Variants in C12orf42 observed in about 807,000 individuals in gnomAD.
The protein encoded by C12orf42 is chromosome 12 open reading frame 42.
A neutral mutation model predicts 21.6 loss-of-function variants in C12orf42; 25 were observed. The observed-to-expected ratio is 1.16, with a 90% CI of 0.84 to 1.62. The LOEUF is 1.62. Among genes scored for constraint, C12orf42 ranks in the 40% most tolerant of loss-of-function variants. C12orf42 has a pLI of 0.00. For synonymous variants in C12orf42, 174 were observed against 175.0 expected (o/e 0.99, Z 0.05); for missense variants, 483 against 459.3 (o/e 1.05, Z -0.47).
At chr12:103,116,084 G>A in the C12orf42 span, among the ~76,000 whole-genome samples, 4 of 152,086 alleles carry the variant, frequency 2.6e-5, no homozygotes, top group Admixed American at 2.0e-4. Flanking sequence ...ATTTGGGGCC[G>A]GGCGCAGTGG....
the C12orf42 span, among the ~76,000 whole-genome samples, chr12:103,530,495 G>T: frequency 1.3e-5 from 2 of 152,216 alleles, no homozygotes; most frequent in East Asian, 3.8e-4. Flanking sequence ...AAAGCCCCAT[G>T]TGTTGCCCCA....
chr12:103,432,753 A>G (rs1950357731), intron 2 of C12orf42, among the ~76,000 whole-genome samples: 1 of 152,140 alleles, frequency 6.6e-6, no homozygotes, highest in Admixed American at 6.5e-5. Flanking sequence ...GCATCCTCGT[A>G]TGAAGAAGTT....
chr12:103,395,114 T>C (rs2047407037), intron 3 of C12orf42, among the ~76,000 whole-genome samples: 1 of 152,232 alleles, frequency 6.6e-6, no homozygotes, highest in South Asian at 2.1e-4. Flanking sequence ...TCATGGATCT[T>C]ACGTTCTATC....
chr12:103,310,105 G>T (rs1198014141), intron 4 of C12orf42, among the ~76,000 whole-genome samples: 1 of 152,206 alleles, frequency 6.6e-6, no homozygotes, highest in Non-Finnish European at 1.5e-5. Context: ...GTTGGAGGTG[G>T]GCCCTGGTGG....
At chr12:103,270,218 G>C (rs986008914) in intron 5 of C12orf42, 2 of 152,104 alleles carry the variant, frequency 1.3e-5, no homozygotes, top group African/African-American at 4.8e-5. Flanking sequence ...AAGGAGGGGG[G>C]TAAGGCTGTG....
intron 4 of C12orf42, among the ~76,000 whole-genome samples, chr12:103,309,990 C>A (rs1050791203): frequency 6.6e-6 from 1 of 152,178 alleles, no homozygotes; most frequent in African/African-American, 2.4e-5. Context: ...ACCTTCAGAT[C>A]CTATCTTTTA....
the C12orf42 span, among the ~76,000 whole-genome samples, chr12:103,095,903 C>T: frequency 6.6e-6 from 1 of 152,168 alleles, no homozygotes; most frequent in Non-Finnish European, 1.5e-5. Context: ...GAAAATTACA[C>T]ATTTGACCAT....
the C12orf42 span, among the ~76,000 whole-genome samples, chr12:103,108,946 A>G: frequency 6.6e-6 from 1 of 152,190 alleles, no homozygotes. Context: ...GAGGCACACA[A>G]GGAAGATGTT....
At chr12:103,162,385 C>T in the C12orf42 span, among the ~76,000 whole-genome samples, 4 of 151,986 alleles carry the variant, frequency 2.6e-5, no homozygotes, top group Non-Finnish European at 4.4e-5. Flanking sequence ...GTCCAAATCC[C>T]CTGCAGGGCC....
chr12:103,541,676 T>G, the C12orf42 span, among the ~76,000 whole-genome samples: 2 of 152,266 alleles, frequency 1.3e-5, no homozygotes, highest in Non-Finnish European at 2.9e-5. Flanking sequence ...AAAAGTTTAC[T>G]GTGAAACAGT....
the C12orf42 span, among the ~76,000 whole-genome samples, chr12:103,135,741 G>A: frequency 6.6e-6 from 1 of 152,138 alleles, no homozygotes; most frequent in South Asian, 2.1e-4. Flanking sequence ...AAAAATGCAA[G>A]AATGGTTCAA....
intron 2 of C12orf42, among the ~76,000 whole-genome samples, chr12:103,417,290 G>A (rs1555291767): frequency 6.6e-6 from 1 of 152,156 alleles, no homozygotes; most frequent in Non-Finnish European, 1.5e-5. Context: ...GCACTAACCA[G>A]TCTCCCTCTT....
Position 103,302,092 on chromosome 12 carries a change from A to C in C12orf42, c.*16T>G, listed in dbSNP as rs1285973372. 1 of 1,602,228 alleles carries C rather than the reference A, an allele frequency of 6.2e-7. No individual in the cohort carries two copies. Among genetic ancestry groups the C allele is most frequent in the Admixed American group, 1.7e-5 (1 of 58,692 alleles). On this transcript the variant is annotated 3_prime_UTR_variant, in exon 6 of 6. Coordinates refer to ENST00000548883, the MANE Select transcript of C12orf42 (RefSeq NM_198521.5). Reference sequence around the variant, plus strand: ...TGAAGATGGGCAGCACTCGCCGAACAATTCCCTCGCAGCGGTCAATGTAAG... The same window carrying C: ...TGAAGATGGGCAGCACTCGCCGAACCATTCCCTCGCAGCGGTCAATGTAAG...
chr12:103,133,744 C>T, the C12orf42 span, among the ~76,000 whole-genome samples: 1 of 152,150 alleles, frequency 6.6e-6, no homozygotes, highest in Admixed American at 6.5e-5. Context: ...TTTCCGTAAT[C>T]CCCACGTGTG....
rs577735592 is a variant in C12orf42, at chr12:103,356,653, T to C, written c.259+12234A>G. Among the ~76,000 whole-genome samples the C allele has an allele frequency of 5.1e-3, 773 of 151,766 alleles. 5 individuals are homozygous for C. The highest frequency in any genetic ancestry group is 0.011 in the South Asian group (52 of 4,780). On this transcript the variant is annotated intron_variant, in intron 4 of 5. Transcript: ENST00000548883. Reference sequence around the variant, plus strand: ...TACAGTCCCACCAACAGTGTAAAAGTGTTCCTATTTCTCCACATCCTCTCC... The same window carrying C: ...TACAGTCCCACCAACAGTGTAAAAGCGTTCCTATTTCTCCACATCCTCTCC...
At chr12:103,258,345 G>C (rs567874838) in intron 10 of C12orf42, among the ~76,000 whole-genome samples, 65 of 152,102 alleles carry the variant, frequency 4.3e-4, no homozygotes, top group African/African-American at 1.5e-3. Flanking sequence ...AATAAAAATA[G>C]ATATGTCAGC....
chr12:103,482,171 C>T (rs1285321831), intron 1 of C12orf42, among the ~76,000 whole-genome samples: 1 of 152,030 alleles, frequency 6.6e-6, no homozygotes, highest in Non-Finnish European at 1.5e-5. Context: ...GCCTTTTTTG[C>T]ATCTCAAATC....
intron 2 of C12orf42, among the ~76,000 whole-genome samples, chr12:103,476,565 G>A (rs1048981775): frequency 5.9e-5 from 9 of 152,204 alleles, no homozygotes; most frequent in Non-Finnish European, 1.3e-4. Context: ...TTGTGCTTGG[G>A]CTGTTTCCAA....
At chr12:103,399,629 A>C (rs1311268836) in intron 3 of C12orf42, among the ~76,000 whole-genome samples, 1 of 152,102 alleles carries the variant, frequency 6.6e-6, no homozygotes, top group Non-Finnish European at 1.5e-5. Flanking sequence ...ATAACAAAGC[A>C]GTTTCCTGGA....
Sources: allele counts gnomAD v4.1 joint callset (sites outside exome capture counted in the v4.1 genomes callset), GRCh38; gene constraint gnomAD v4.1.1; transcripts MANE v1.5; gene names NCBI Gene and HGNC (gene_info 2026-07-23, HGNC 2026-07-21).